Variants in LARS2 observed in about 807,000 individuals in gnomAD.
LARS2 encodes the protein leucine--tRNA ligase, mitochondrial.
Under a neutral mutation model 116.6 loss-of-function variants are expected in LARS2, and 81 were observed. That is an observed-to-expected ratio of 0.69 (90% CI 0.58 to 0.84). LARS2 has a LOEUF of 0.84. Among genes scored for constraint, LARS2 ranks in the 40% least tolerant of loss-of-function variants. LARS2 has a pLI of 0.00. For synonymous variants in LARS2, 396 were observed against 407.2 expected, an observed-to-expected ratio of 0.97 and a Z score of 0.33; for missense variants, 968 against 1,114.5, an observed-to-expected ratio of 0.87 and a Z score of 1.87.
At chr3:45,391,463 G>C (rs1330062929) in intron 1 of LARS2, 120 bp from the exon 2 acceptor site, 1 of 146,806 alleles carries the variant, frequency 6.8e-6, no homozygotes, top group African/African-American at 2.5e-5. Context: ...ATCTCATTGC[G>C]ACAGTGCGAC....
At chr3:45,530,016 G>A (rs1700591835) in intron 20 of LARS2, among the ~76,000 whole-genome samples, 1 of 152,192 alleles carries the variant, frequency 6.6e-6, no homozygotes, top group African/African-American at 2.4e-5. Context: ...CAGAGAGTCA[G>A]TCAAAACACG....
Position 45,491,660 on chromosome 3 carries a change from T to G in LARS2, c.1383T>G (p.Ile461Met). ...GGTACTGGGGCACACCAATCCCCAT[T>G]GTCCACTGCCCAGTCTGTGGCCCCA... is the stretch of plus-strand genomic sequence containing the variant. The part of the protein sequence containing the change: ...RQRYWGTPIP[I>M]VHCPVCGPTP... Residue 461 changes from isoleucine to methionine, a missense_variant, in exon 13 of 22, where the codon ATT (isoleucine) becomes ATG (methionine). Coordinates refer to ENST00000645846, the MANE Select transcript of LARS2 (RefSeq NM_015340.4). The G allele has an allele frequency of 6.2e-7, 1 of 1,614,204 alleles. No homozygotes were observed.
chr3:45,400,381 C>T lies in LARS2; in HGVS notation c.363+8C>T, dbSNP rs201821626. 17 of 1,595,526 alleles carry T rather than the reference C, an allele frequency of 1.1e-5. 1 individual carries two copies. In the African/African-American group the frequency reaches 1.5e-4, roughly 14 times the overall value. On this transcript the variant is annotated splice_region_variant and intron_variant, in intron 4 of 21. Transcript: ENST00000645846. ...AAGATGAGAGGGATGCAGGTAAGAA[C>T]AGGTGCCTGCTGGAGCAGCCCTTGT...
intron 4 of LARS2, 76 bp downstream of exon 4, chr3:45,400,449 C>T (rs761014106): frequency 2.5e-5 from 35 of 1,427,276 alleles, no homozygotes; most frequent in Non-Finnish European, 3.2e-5. Context: ...GTGTTCAAGA[C>T]AAATGAAGAA....
At chr3:45,444,430 G>A (rs1455818816) in intron 6 of LARS2, among the ~76,000 whole-genome samples, 11 of 148,832 alleles carry the variant, frequency 7.4e-5, no homozygotes, top group Non-Finnish European at 1.2e-4. Context: ...TTGGGAGGCC[G>A]AGGTGGGCGG....
chr3:45,431,288 A>C (rs550420196), intron 6 of LARS2, among the ~76,000 whole-genome samples: 3 of 152,334 alleles, frequency 2.0e-5, no homozygotes, highest in Non-Finnish European at 4.4e-5. Flanking sequence ...ATAGCAGCCC[A>C]AGCTGACTAA....
chr3:45,528,137 G>A (rs181423739), intron 20 of LARS2, among the ~76,000 whole-genome samples: 3 of 152,310 alleles, frequency 2.0e-5, no homozygotes, highest in East Asian at 1.9e-4. Flanking sequence ...AAGAGTTCAA[G>A]ACCAGCTTGG....
intron 13 of LARS2, among the ~76,000 whole-genome samples, chr3:45,494,135 A>G (rs1368052804): frequency 6.6e-6 from 1 of 152,064 alleles, no homozygotes; most frequent in South Asian, 2.1e-4. Flanking sequence ...ACTCTTAGAG[A>G]CCACCACTGT....
intron 6 of LARS2, among the ~76,000 whole-genome samples, chr3:45,442,445 A>G (rs1416660179): frequency 1.3e-5 from 2 of 152,254 alleles, no homozygotes; most frequent in Admixed American, 6.5e-5. Context: ...CAACTTCAAA[A>G]TAGGAAATTT....
chr3:45,394,299 TC>T, intron 2 of LARS2, 133 bp from the exon 3 acceptor site: 1 of 606,004 alleles, frequency 1.7e-6, no homozygotes, highest in East Asian at 2.8e-5. Context: ...GCTAAAGTAT[TC>T]TTTTCAGGGA....
chr3:45,537,101 ATG>A (rs1700718475), intron 20 of LARS2, among the ~76,000 whole-genome samples: 1 of 152,014 alleles, frequency 6.6e-6, no homozygotes, highest in African/African-American at 2.4e-5. Flanking sequence ...TGTCCAAAAT[ATG>A]TTATTTAAAA....
Position 45,547,558 on chromosome 3 carries a change from G to A in LARS2, c.*28G>A, listed in dbSNP as rs1700893744. On this transcript the variant is annotated 3_prime_UTR_variant, in exon 22 of 22. Transcript: ENST00000645846. ...GCCAGGAGGCTGCAGCTACCACGAG[G>A]GCCTCTGAGGAACCTCCTTCCAGGC... The A allele has an allele frequency of 1.9e-6, 3 of 1,571,986 alleles. No individual in the cohort carries two copies. The highest frequency in any genetic ancestry group is 2.6e-6 in the Non-Finnish European group (3 of 1,159,462).
In LARS2 at chr3:45,388,628, C is replaced by G. The variant is rs1215273787; in HGVS notation, c.-140C>G. The G allele has an allele frequency of 1.2e-4, 18 of 152,288 alleles. No individual in the cohort carries two copies. Among genetic ancestry groups the G allele is most frequent in the Non-Finnish European group, 2.9e-5 (2 of 68,102 alleles). The allele number at this position is 152,288 out of a possible 1,614,324, so 9.4% of individuals were successfully genotyped here. A position where few individuals can be genotyped will look rare whatever the true frequency, so the allele number is the denominator to read the frequency against. ...TGGTCCGTGGCCCGGCAGTGCTCGC[C>G]TAAAGGTGGAGAACGAGGAGTAGAG... is the stretch of plus-strand genomic sequence containing the variant. On this transcript the variant is annotated 5_prime_UTR_variant, in exon 1 of 22. Transcript: ENST00000645846.
At chr3:45,516,936 A>G (rs1431409762) in intron 17 of LARS2, among the ~76,000 whole-genome samples, 2 of 152,168 alleles carry the variant, frequency 1.3e-5, no homozygotes, top group African/African-American at 4.8e-5. Context: ...ACAGTCATTC[A>G]TTTTTACTTC....
At chr3:45,439,884 C>G (rs1698876714) in intron 6 of LARS2, among the ~76,000 whole-genome samples, 1 of 152,176 alleles carries the variant, frequency 6.6e-6, no homozygotes, top group Non-Finnish European at 1.5e-5. Context: ...CTGTCTTTCA[C>G]ACAGTATTTG....
chr3:45,415,653 G>A (rs1698400762), intron 4 of LARS2, among the ~76,000 whole-genome samples: 1 of 151,886 alleles, frequency 6.6e-6, no homozygotes, highest in South Asian at 2.1e-4. Flanking sequence ...TTCAAGACCA[G>A]CCTGGCCAAC....
chr3:45,545,856 A>G (rs984037866), intron 21 of LARS2, among the ~76,000 whole-genome samples: 3 of 119,422 alleles, frequency 2.5e-5, no homozygotes, highest in Non-Finnish European at 5.7e-5. Flanking sequence ...GCCAGCTCCT[A>G]TCCTGGCCAG....
intron 4 of LARS2, among the ~76,000 whole-genome samples, chr3:45,407,320 G>C (rs1371092466): frequency 6.6e-6 from 1 of 152,198 alleles, no homozygotes; most frequent in Non-Finnish European, 1.5e-5. Context: ...ATGGCATTTA[G>C]TTTTCAAATT....
At chr3:45,412,794 A>G (rs1384681501) in intron 4 of LARS2, among the ~76,000 whole-genome samples, 1 of 152,210 alleles carries the variant, frequency 6.6e-6, no homozygotes, top group African/African-American at 2.4e-5. Context: ...CAGTAAGCAC[A>G]TATCCCTTAC....
Sources: gnomAD v4.1 joint callset for allele counts (sites outside exome capture counted in the v4.1 genomes callset) on GRCh38, gnomAD v4.1.1 for gene constraint, MANE v1.5 for transcripts, NCBI Gene and HGNC (gene_info 2026-07-23, HGNC 2026-07-21) for gene names.